Variants in CCDC186 observed in about 807,000 individuals in gnomAD.
The protein encoded by CCDC186 is coiled-coil domain containing 186.
In CCDC186, 49 loss-of-function variants were observed where a neutral mutation model predicts 113.7. The observed-to-expected ratio is 0.43, with a 90% CI of 0.34 to 0.55. The LOEUF (loss-of-function observed/expected upper bound fraction) is 0.55. Ranked by LOEUF, CCDC186 falls within the 20% of genes least tolerant of loss-of-function variation. The pLI is 0.02. For missense variants in CCDC186, 890 were observed against 1,011.1 expected (o/e 0.88, Z 1.62); for synonymous variants, 355 against 345.8 (o/e 1.03, Z -0.30).
At chr10:114,134,568 C>T (rs991330095) in intron 10 of CCDC186, among the ~76,000 whole-genome samples, 4 of 152,188 alleles carry the variant, frequency 2.6e-5, no homozygotes, top group South Asian at 2.1e-4. Context: ...TCTTAAGCTA[C>T]ACACGTGCGA....
chr10:114,149,082 A>G (rs1185730346), intron 4 of CCDC186, among the ~76,000 whole-genome samples: 1 of 152,250 alleles, frequency 6.6e-6, no homozygotes, highest in African/African-American at 2.4e-5. Flanking sequence ...AAGGAATGAG[A>G]CAGATCTATT....
intron 1 of CCDC186, among the ~76,000 whole-genome samples, chr10:114,168,587 G>C (rs2032401257): frequency 6.6e-6 from 1 of 152,116 alleles, no homozygotes; most frequent in Admixed American, 6.5e-5. Context: ...GGCTCGACTG[G>C]TCTTGTGACT....
At chr10:114,139,398 A>G (rs2031387676) in intron 6 of CCDC186, among the ~76,000 whole-genome samples, 1 of 152,080 alleles carries the variant, frequency 6.6e-6, no homozygotes. Flanking sequence ...CCCAGTCTCT[A>G]CTAAAAATAC....
In CCDC186 at chr10:114,127,533, C is replaced by T. The variant is rs1457844206; in HGVS notation, c.2321G>A (p.Arg774Gln). 9 of 1,613,854 alleles carry T rather than the reference C, an allele frequency of 5.6e-6. No individual in the cohort carries two copies. In the East Asian group the frequency reaches 6.7e-5, roughly 12 times the overall value. Residue 774 changes from arginine (R) to glutamine (Q), a missense_variant, in exon 14 of 16, where the codon CGG becomes CAG. Arg to Gln is a conservative substitution (Grantham distance 43). Coordinates refer to ENST00000369287, the MANE Select transcript of CCDC186 (RefSeq NM_018017.4). ...RIVRLQKAHA[R>Q]KNEKIEFMED... Reference sequence around the variant, plus strand: ...CATAAATTCTATCTTTTCATTTTTCCGGGCATGTGCTTTTTGCAGCCTAAC... The same window carrying T: ...CATAAATTCTATCTTTTCATTTTTCTGGGCATGTGCTTTTTGCAGCCTAAC...
At chr10:114,152,611 ATG>A (rs2031889223) in intron 3 of CCDC186, among the ~76,000 whole-genome samples, 1 of 152,254 alleles carries the variant, frequency 6.6e-6, no homozygotes, top group South Asian at 2.1e-4. Context: ...GACATGAAAC[ATG>A]GAAAACGAAA....
intron 10 of CCDC186, 100 bp downstream of exon 10, chr10:114,134,813 G>GT: frequency 7.5e-7 from 1 of 1,335,000 alleles, no homozygotes; most frequent in South Asian, 1.4e-5. Context: ...TAGTAAAATT[G>GT]TAAAATTTTT....
At chr10:114,140,239 A>G (rs2031423322) in intron 6 of CCDC186, among the ~76,000 whole-genome samples, 1 of 152,242 alleles carries the variant, frequency 6.6e-6, no homozygotes. Flanking sequence ...TGGAGAGATG[A>G]AAGTTTAGAT....
chr10:114,129,767 T>C (rs2031028380), intron 13 of CCDC186, 124 bp downstream of exon 13: 1 of 711,580 alleles, frequency 1.4e-6, no homozygotes, highest in African/African-American at 1.8e-5. Flanking sequence ...TGACCTCAGG[T>C]GATCCACTCA....
intron 2 of CCDC186, chr10:114,162,326 CCTTTT>C (rs10593761): frequency 0.14 from 25,813 of 182,010 alleles, 1,875 homozygotes; most frequent in African/African-American, 0.18. Context: ...CTTGTTATTT[CCTTTT>C]GAGTTTCTCT....
At chr10:114,161,950 T>C (rs892842459) in intron 2 of CCDC186, 1 of 151,988 alleles carries the variant, frequency 6.6e-6, no homozygotes, top group Non-Finnish European at 1.5e-5. Context: ...AGTATATGAT[T>C]TCACCTACAT....
chr10:114,167,605 A>G (rs2032373595), intron 1 of CCDC186, among the ~76,000 whole-genome samples: 1 of 151,820 alleles, frequency 6.6e-6, no homozygotes, highest in African/African-American at 2.4e-5. Flanking sequence ...CTAAGGATAG[A>G]ATGGCAAGTA....
intron 1 of CCDC186, among the ~76,000 whole-genome samples, chr10:114,172,523 T>C (rs537042295): frequency 1.3e-5 from 2 of 152,316 alleles, no homozygotes; most frequent in African/African-American, 4.8e-5. Context: ...CAAAAGCCAA[T>C]GACACACTAT....
At chr10:114,156,291 A>G (rs1323248339) in intron 3 of CCDC186, among the ~76,000 whole-genome samples, 3 of 152,262 alleles carry the variant, frequency 2.0e-5, no homozygotes, top group African/African-American at 7.2e-5. Flanking sequence ...GAAAGATGAG[A>G]CAAAATACTT....
At chr10:114,171,739 T>C (rs1020001370) in intron 1 of CCDC186, among the ~76,000 whole-genome samples, 1 of 152,212 alleles carries the variant, frequency 6.6e-6, no homozygotes, top group Non-Finnish European at 1.5e-5. Context: ...GATTATGTAG[T>C]AAGTGCGGTA....
At chr10:114,151,814 A>G (rs1475769537) in intron 3 of CCDC186, among the ~76,000 whole-genome samples, 1 of 152,216 alleles carries the variant, frequency 6.6e-6, no homozygotes, top group Non-Finnish European at 1.5e-5. Flanking sequence ...GCCCCAGAGT[A>G]TAAGAATAGT....
Position 114,138,750 on chromosome 10 carries a change from C to T in CCDC186, c.1222-1460G>A, listed in dbSNP as rs116679548. On this transcript the variant is annotated intron_variant, in intron 6 of 15. Transcript: ENST00000369287. ...TGTTTCCATTACAGGACAATATTCT[C>T]CTTCTCTTTCTGCCCTCTTCATTGT... is the stretch of plus-strand genomic sequence containing the variant. Among the ~76,000 whole-genome samples, 179 of 152,260 alleles carry T rather than the reference C, an allele frequency of 1.2e-3. 2 individuals carry two copies. The highest frequency in any genetic ancestry group is 4.3e-3 in the African/African-American group (177 of 41,550).
In CCDC186 at chr10:114,131,949, T is replaced by C; in HGVS notation, c.1891A>G (p.Lys631Glu). ...CTTACCAAATTAATATTTGTCTGTT[T>C]CATTTGTTCACACTGGCTTTGTAAC... is the stretch of plus-strand genomic sequence containing the variant. ...SQLQSQCEQM[K>E]QTNINLESRL... Residue 631 changes from lysine (K) to glutamate (E), a missense_variant, in exon 11 of 16, where the codon AAA becomes GAA. Transcript: ENST00000369287. 6.2e-7 allele frequency: 1 copy of C among 1,606,580 alleles called. No individual in the cohort carries two copies. Among genetic ancestry groups the C allele is most frequent in the South Asian group, 1.1e-5 (1 of 89,820 alleles).
intron 4 of CCDC186, among the ~76,000 whole-genome samples, chr10:114,147,930 A>C (rs2031695327): frequency 6.6e-6 from 1 of 152,030 alleles, no homozygotes; most frequent in Admixed American, 6.6e-5. Context: ...GGAGTTTGAG[A>C]CCAGCCTGGA....
intron 3 of CCDC186, among the ~76,000 whole-genome samples, chr10:114,154,075 G>C (rs1369041925): frequency 6.6e-6 from 1 of 151,770 alleles, no homozygotes; most frequent in Non-Finnish European, 1.5e-5. Context: ...GCTGGATGTG[G>C]TGATGCACGC....
Sources: allele counts gnomAD v4.1 joint callset (sites outside exome capture counted in the v4.1 genomes callset), GRCh38; gene constraint gnomAD v4.1.1; transcripts MANE v1.5; gene names NCBI Gene and HGNC (gene_info 2026-07-23, HGNC 2026-07-21).